The following ACTR8 variants were observed in gnomAD, a reference collection of about 807,000 sequenced individuals.
ACTR8 encodes the protein actin related protein 8, also known as actin-related protein 8.
A neutral mutation model predicts 84.3 loss-of-function variants in ACTR8; 70 were observed. That is an observed-to-expected ratio of 0.83 (90% CI 0.68 to 1.01). The LOEUF is 1.01. Ranked by LOEUF, ACTR8 falls within the 50% of genes least tolerant of loss-of-function variation. The probability of loss-of-function intolerance (pLI) is 0.00; values close to 1 mark genes in which losing one functional copy is unlikely to be tolerated. For synonymous variants in ACTR8, 268 were observed against 275.2 expected (o/e 0.97, Z 0.26); for missense variants, 672 against 775.4 (o/e 0.87, Z 1.58).
At position 53,881,868 on chromosome 3, in the gene ACTR8, G is replaced by A. The variant is rs538950873; in HGVS notation, c.123+111C>T. 161 of 1,501,100 alleles carry A rather than the reference G, an allele frequency of 1.1e-4. 1 individual carries two copies. The East Asian group carries it at 3.9e-3, about 36-fold the overall frequency. 93.0% of individuals were successfully genotyped at this position (1,501,100 alleles called of 1,614,324 possible). A position where few individuals can be genotyped will look rare whatever the true frequency, so the allele number is the denominator to read the frequency against. On this transcript the variant is annotated intron_variant, in intron 1 of 12. Transcript: ENST00000335754. ...GACCGCTTCCGCACTCCCCCCACCA[G>A]GGGCTGGGGCCTGCAAGGGGGACTC...
chr3:53,861,679 T>G, the ACTR8 span: 1 of 152,136 alleles, frequency 6.6e-6, no homozygotes, highest in Admixed American at 6.6e-5. Context: ...GTTTGATAAT[T>G]TTTAAAAGTG....
intron 12 of ACTR8, among the ~76,000 whole-genome samples, chr3:53,869,410 C>T (rs1699849599): frequency 6.6e-6 from 1 of 152,200 alleles, no homozygotes; most frequent in African/African-American, 2.4e-5. Flanking sequence ...TTACCCTGTA[C>T]ACAGGAACAT....
rs756198735 is a variant in ACTR8 at position 53,876,100 on chromosome 3, G to T, written c.779-20C>A. On this transcript the variant is annotated intron_variant, in intron 6 of 12. Coordinates refer to ENST00000335754, the MANE Select transcript of ACTR8 (RefSeq NM_022899.5). ...CAATCCCTGGGGGGGGAAAAGAAAAGGCAGAGTAGTCATTAGCTGTAGCAC... is the reference window on the plus strand; with the variant it reads ...CAATCCCTGGGGGGGGAAAAGAAAATGCAGAGTAGTCATTAGCTGTAGCAC... The T allele has an allele frequency of 3.7e-6, 6 of 1,604,966 alleles. No homozygotes were observed. Among genetic ancestry groups the T allele is most frequent in the Non-Finnish European group, 5.1e-6 (6 of 1,175,682 alleles).
At chr3:53,865,231 G>C (rs1250205762), downstream of ACTR8, 10 of 1,613,574 alleles carry the variant, frequency 6.2e-6, no homozygotes, top group Non-Finnish European at 7.6e-6. Flanking sequence ...TTTCTGTGCA[G>C]AACTTCTCCA....
rs1438068238 is a variant in ACTR8, at chr3:53,872,582, T to C, written c.1162-58A>G. The C allele has an allele frequency of 2.7e-6, 4 of 1,490,732 alleles. No individual in the cohort carries two copies. The Admixed American group carries it at 9.7e-5, about 36-fold the overall frequency. 92.3% of individuals were successfully genotyped at this position (1,490,732 alleles called of 1,614,324 possible). A position where few individuals can be genotyped will look rare whatever the true frequency, so the allele number is the denominator to read the frequency against. On this transcript the variant is annotated intron_variant, in intron 9 of 12. Coordinates refer to ENST00000335754, the MANE Select transcript of ACTR8 (RefSeq NM_022899.5). ...GATACTGCATCCTGAAAAAAACTGA[T>C]CCACTAAATTCTGTTCTTCTAAAAA... is the stretch of plus-strand genomic sequence containing the variant.
At chr3:53,862,430 C>G (rs762279393), downstream of ACTR8, among the ~76,000 whole-genome samples, 1 of 152,184 alleles carries the variant, frequency 6.6e-6, no homozygotes, top group Admixed American at 6.5e-5. Context: ...AGCCATCAAG[C>G]CTGAAACAAT....
chr3:53,871,115 G>T, intron 11 of ACTR8, 117 bp downstream of exon 11: 1 of 1,386,242 alleles, frequency 7.2e-7, no homozygotes, highest in Non-Finnish European at 9.8e-7. Flanking sequence ...CCAAGTAGGC[G>T]CTTAATCACT....
In ACTR8 at chr3:53,870,184, A is replaced by G. The variant is rs769012347; in HGVS notation, c.1568-39T>C. Reference sequence around the variant, plus strand: ...TGACATCCTCCATGCTTTTTTCTCCACATCCATAATTCTAGGCCAAGCCAC... The same window carrying G: ...TGACATCCTCCATGCTTTTTTCTCCGCATCCATAATTCTAGGCCAAGCCAC... On this transcript the variant is annotated intron_variant, in intron 11 of 12. Coordinates refer to ENST00000335754, the MANE Select transcript of ACTR8 (RefSeq NM_022899.5). This position sits in a 1 kb window ranked among gnomAD's most constrained non-coding sequence, Gnocchi z 4.1. 115 of 1,599,860 alleles carry G rather than the reference A, an allele frequency of 7.2e-5. 1 individual carries two copies. In the East Asian group the frequency reaches 2.3e-3, roughly 32 times the overall value.
At position 53,877,311 on chromosome 3, in the gene ACTR8, C is replaced by G; in HGVS notation, c.587G>C (p.Gly196Ala). 1 of 1,614,000 alleles carries G rather than the reference C, an allele frequency of 6.2e-7. No homozygotes were observed. The highest frequency in any genetic ancestry group is 8.5e-7 in the Non-Finnish European group (1 of 1,179,940). Residue 196 changes from glycine (G) to alanine (A), a missense_variant, in exon 5 of 13, where the codon GGC (glycine) becomes GCC (alanine). Physicochemically the swap from Gly to Ala is moderately conservative, Grantham distance 60. Coordinates refer to ENST00000335754, the MANE Select transcript of ACTR8 (RefSeq NM_022899.5). ...IRRGQLNIHPGPGGSLTAVLA... is the reference protein window; with the variant it reads ...IRRGQLNIHPAPGGSLTAVLA... ...AACAGCTGTAAGAGAGCCCCCAGGG[C>G]CTGGGTGAATATTTAACTGACCTCT...
chr3:53,871,346 T>C lies in ACTR8; in HGVS notation c.1453A>G (p.Asn485Asp). Reference protein sequence around the residue: ...SAQGDGLMAGNDSEEALTALM... With the variant: ...SAQGDGLMAGDDSEEALTALM... ...GCAGTGAGGGCCTCCTCGGAATCGT[T>C]GCCGGCCATCAGGCCATCTCCCTGT... Residue 485 changes from asparagine (N) to aspartate (D), a missense_variant, in exon 11 of 13, where the codon AAC becomes GAC. Asn to Asp is a conservative substitution (Grantham distance 23, BLOSUM62 1). Transcript: ENST00000335754. 1.2e-6 allele frequency: 2 copies of C among 1,614,226 alleles called. No individual in the cohort carries two copies. Among genetic ancestry groups the C allele is most frequent in the African/African-American group, 1.3e-5 (1 of 75,060 alleles).
Position 53,867,905 on chromosome 3 carries a change from A to T in ACTR8, c.*814T>A, listed in dbSNP as rs921744422. The T allele has an allele frequency of 2.0e-5, 3 of 152,232 alleles. No individual in the cohort carries two copies. Among genetic ancestry groups the T allele is most frequent in the African/African-American group, 7.2e-5 (3 of 41,462 alleles). The allele number at this position is 152,232 out of a possible 1,614,324, so 9.4% of individuals were successfully genotyped here. ...AAAGGAAAATTGAGGCTTGATGACT[A>T]AGTTGGTAGTATTAATAACTACATC... On this transcript the variant is annotated 3_prime_UTR_variant, in exon 13 of 13. Coordinates refer to ENST00000335754, the MANE Select transcript of ACTR8 (RefSeq NM_022899.5).
chr3:53,875,705 C>A (rs915649465), intron 7 of ACTR8, among the ~76,000 whole-genome samples: 7 of 152,214 alleles, frequency 4.6e-5, no homozygotes, highest in African/African-American at 1.4e-4. Flanking sequence ...ATAAAACATC[C>A]CAGGACTTTC....
downstream of ACTR8, chr3:53,865,382 C>G: frequency 8.5e-7 from 1 of 1,172,094 alleles, no homozygotes; most frequent in South Asian, 1.5e-5. Flanking sequence ...TGTGATGATC[C>G]TGAAGCTTAC....
chr3:53,870,268 C>CCTCCACA lies in ACTR8; in HGVS notation c.1568-130_1568-124dup. 1.8e-6 allele frequency: 2 copies of CCTCCACA among 1,139,730 alleles called. No homozygotes were observed. Among genetic ancestry groups the CCTCCACA allele is most frequent in the Non-Finnish European group, 2.5e-6 (2 of 798,728 alleles). The allele number at this position is 1,139,730 out of a possible 1,614,324, so 70.6% of individuals were successfully genotyped here. ...TCTCAAAGATTTCCCTCCAGCCCAC[C>CCTCCACA]CTCCACACTGCAGCCAGGGGAACCC... On this transcript the variant is annotated intron_variant, in intron 11 of 12. Coordinates refer to ENST00000335754, the MANE Select transcript of ACTR8 (RefSeq NM_022899.5). This position sits in a 1 kb window ranked among gnomAD's most constrained non-coding sequence, Gnocchi z 4.1.
At chr3:53,879,182 C>T (rs1236488049) in intron 2 of ACTR8, among the ~76,000 whole-genome samples, 1 of 152,160 alleles carries the variant, frequency 6.6e-6, no homozygotes, top group Non-Finnish European at 1.5e-5. Context: ...CTTAAACGTA[C>T]TCCCTAAAGT....
intron 11 of ACTR8, 69 bp downstream of exon 11, chr3:53,871,163 G>A: frequency 6.4e-7 from 1 of 1,570,894 alleles, no homozygotes; most frequent in Non-Finnish European, 8.7e-7. Flanking sequence ...GTATATCCTA[G>A]ACTGAACCAA....
chr3:53,881,827 C>G, intron 1 of ACTR8, 152 bp downstream of exon 1: 1 of 1,312,218 alleles, frequency 7.6e-7, no homozygotes, highest in Non-Finnish European at 1.0e-6. Flanking sequence ...CGGCGCGCCA[C>G]CACCCGGAAA....
downstream of ACTR8, chr3:53,865,252 C>G (rs1188915033): frequency 6.2e-7 from 1 of 1,611,904 alleles, no homozygotes; most frequent in South Asian, 1.1e-5. Flanking sequence ...TGTCAAGCAG[C>G]AGGTGTCAGC....
chr3:53,863,436 A>C (rs1312943717), downstream of ACTR8, among the ~76,000 whole-genome samples: 2 of 152,228 alleles, frequency 1.3e-5, no homozygotes, highest in Non-Finnish European at 1.5e-5. Flanking sequence ...GAAAGGAAAT[A>C]CAAATGCATC....
Sources: allele counts gnomAD v4.1 joint callset (sites outside exome capture counted in the v4.1 genomes callset), GRCh38; gene constraint gnomAD v4.1.1; non-coding constraint Gnocchi (gnomAD v3.1); transcripts MANE v1.5; gene names NCBI Gene and HGNC (gene_info 2026-07-23, HGNC 2026-07-21).